STON1: variants seen among roughly 807,000 people sequenced by gnomAD.
STON1 encodes stonin 1.
In STON1, 79 loss-of-function variants were observed where a neutral mutation model predicts 60.9. That is an observed-to-expected ratio of 1.30 (90% CI 1.08 to 1.56). STON1 has a LOEUF of 1.56. STON1 is among the 40% of genes most tolerant of loss of function. STON1 has a pLI of 0.00. For synonymous variants in STON1, 363 were observed against 306.9 expected, an observed-to-expected ratio of 1.18 and a Z score of -1.91; for missense variants, 1,166 against 858.9, an observed-to-expected ratio of 1.36 and a Z score of -4.47.
At chr2:48,557,359 C>T (rs1672421009) in intron 1 of STON1, among the ~76,000 whole-genome samples, 1 of 99,860 alleles carries the variant, frequency 1.0e-5, no homozygotes. Flanking sequence ...AGAGGCGCTC[C>T]CCACATCTCA....
chr2:48,587,092 AC>A (rs1674250332), intron 2 of STON1, among the ~76,000 whole-genome samples: 1 of 152,126 alleles, frequency 6.6e-6, no homozygotes, highest in South Asian at 2.1e-4. Context: ...AAAGCTTCAA[AC>A]ACATACCCAT....
intron 1 of STON1, among the ~76,000 whole-genome samples, chr2:48,563,519 G>A (rs1271115018): frequency 6.6e-6 from 1 of 152,204 alleles, no homozygotes; most frequent in Non-Finnish European, 1.5e-5. Context: ...TATAGGCACA[G>A]AGCCAGTACC....
chr2:48,580,622 C>G lies in STON1; in HGVS notation c.-12C>G, dbSNP rs763740007. ...TTTGATTTCTTGACAAGACCACAAT[C>G]TGATCCCAAAGATGTGCTCCACAAA... On this transcript the variant is annotated 5_prime_UTR_variant, in exon 2 of 4. The change creates a new upstream start codon in the 5' untranslated region. Coordinates refer to ENST00000404752, the MANE Select transcript of STON1 (RefSeq NM_006873.4). 7.4e-7 allele frequency: 1 copy of G among 1,343,566 alleles called. No individual in the cohort carries two copies. Among genetic ancestry groups the G allele is most frequent in the Non-Finnish European group, 9.6e-7 (1 of 1,040,270 alleles). The allele number at this position is 1,343,566 out of a possible 1,614,324, so 83.2% of individuals were successfully genotyped here. A position where few individuals can be genotyped will look rare whatever the true frequency, so the allele number is the denominator to read the frequency against.
chr2:48,580,274 T>C (rs1673799043), intron 1 of STON1, among the ~76,000 whole-genome samples: 1 of 152,212 alleles, frequency 6.6e-6, no homozygotes, highest in African/African-American at 2.4e-5. Flanking sequence ...TTATATTATG[T>C]CCTTCTTTGT....
At position 48,564,626 on chromosome 2, in the gene STON1, C is replaced by T. The variant is rs1192662447; in HGVS notation, c.-47-15961C>T. 1.6e-4 allele frequency among the ~76,000 whole-genome samples: 19 copies of T among 117,654 alleles called. 2 individuals are homozygous for T. Among genetic ancestry groups the T allele is most frequent in the African/African-American group, 6.2e-4 (17 of 27,528 alleles). The allele number at this position is 117,654 out of a possible 152,430, so 77.2% of individuals were successfully genotyped here. On this transcript the variant is annotated intron_variant, in intron 1 of 3. Coordinates refer to ENST00000404752, the MANE Select transcript of STON1 (RefSeq NM_006873.4). ...TCCTTCTCCTTCTCCTTCTCCTTCT[C>T]CTTCTCTTTCTCCTTCTCCTTCTTC... is the stretch of plus-strand genomic sequence containing the variant.
rs777559479 is a variant in STON1, at chr2:48,591,633, T to C, written c.1931-20T>C. On this transcript the variant is annotated intron_variant, in intron 2 of 3. Transcript: ENST00000404752. ...ATGGCCATTAAAATACTTTGACTAT[T>C]TGATTTTTTTTCCCTCGAGGTCTAG... 7.6e-5 allele frequency: 122 copies of C among 1,610,594 alleles called. No homozygotes were observed. The highest frequency in any genetic ancestry group is 1.0e-4 in the Non-Finnish European group (121 of 1,178,360).
chr2:48,538,763 ATTTTTTTT>A (rs34052598), intron 1 of STON1, among the ~76,000 whole-genome samples: 40 of 86,364 alleles, frequency 4.6e-4, no homozygotes, highest in Admixed American at 1.2e-3. Context: ...ACACCCAGCT[ATTTTTTTT>A]TTTTTTTTTT....
chr2:48,557,046 A>C, intron 1 of STON1, among the ~76,000 whole-genome samples: 1 of 92,496 alleles, frequency 1.1e-5, no homozygotes, highest in East Asian at 4.4e-4. Context: ...TCCCTCCCGG[A>C]TGGGGCGGCT....
At chr2:48,542,967 T>G (rs1344387897) in intron 1 of STON1, among the ~76,000 whole-genome samples, 2 of 147,574 alleles carry the variant, frequency 1.4e-5, no homozygotes, top group East Asian at 4.1e-4. Flanking sequence ...TCCTAATATC[T>G]TGACTTTTTT....
chr2:48,540,253 A>G (rs1259511997), intron 1 of STON1, among the ~76,000 whole-genome samples: 4 of 152,182 alleles, frequency 2.6e-5, no homozygotes, highest in Non-Finnish European at 5.9e-5. Flanking sequence ...GTTTTTATCC[A>G]TGGTTCCTGG....
rs1438874296 is a variant in STON1 at position 48,557,314 on chromosome 2, A to C, written c.-47-23273A>C. 5.9e-5 allele frequency among the ~76,000 whole-genome samples: 5 copies of C among 85,152 alleles called. 1 individual carries two copies. The highest frequency in any genetic ancestry group is 2.2e-4 in the African/African-American group (5 of 23,060). The allele number at this position is 85,152 out of a possible 152,430, so 55.9% of individuals were successfully genotyped here. A position where few individuals can be genotyped will look rare whatever the true frequency, so the allele number is the denominator to read the frequency against. ...CCCAGACGGGGTCTCGGCCGGGCAG[A>C]GGCGCTCCTCACATCCCAGATGGGG... On this transcript the variant is annotated intron_variant, in intron 1 of 3. Transcript: ENST00000404752.
At chr2:48,561,901 C>A (rs1672629056) in intron 1 of STON1, among the ~76,000 whole-genome samples, 1 of 152,190 alleles carries the variant, frequency 6.6e-6, no homozygotes, top group African/African-American at 2.4e-5. Context: ...CACTCTGTCA[C>A]CCAGGCTGGA....
Position 48,587,283 on chromosome 2 carries a change from GTATTTATTTATT to G in STON1, c.1931-4354_1931-4343del, listed in dbSNP as rs10557905. Among the ~76,000 whole-genome samples the G allele has an allele frequency of 3.3e-5, 5 of 151,328 alleles. No individual in the cohort carries two copies. In the East Asian group the frequency reaches 9.7e-4, roughly 29 times the overall value. On this transcript the variant is annotated intron_variant, in intron 2 of 3. Transcript: ENST00000404752. Reference sequence around the variant, plus strand: ...GACCTCTGTTATTGCTCTCCCATGAGTATTTATTTATTTATTTATTTATTTATGAGACGGAGT... The same window carrying G: ...GACCTCTGTTATTGCTCTCCCATGAGTATTTATTTATTTATGAGACGGAGT...
At chr2:48,539,190 T>G (rs765963532) in intron 1 of STON1, among the ~76,000 whole-genome samples, 63 of 152,316 alleles carry the variant, frequency 4.1e-4, no homozygotes, top group South Asian at 1.0e-3. Flanking sequence ...AGTGTTGGGA[T>G]TACAGGCATG....
At chr2:48,594,324 G>A (rs1482205055) in intron 3 of STON1, among the ~76,000 whole-genome samples, 2 of 152,152 alleles carry the variant, frequency 1.3e-5, no homozygotes, top group African/African-American at 4.8e-5. Context: ...GGGCATGCCA[G>A]GTTCATGCAA....
At chr2:48,563,993 C>T (rs1162422354) in intron 1 of STON1, among the ~76,000 whole-genome samples, 2 of 149,504 alleles carry the variant, frequency 1.3e-5, no homozygotes, top group Non-Finnish European at 3.0e-5. Context: ...GCCACCACGC[C>T]TGCCCTCCAC....
At chr2:48,542,831 G>T (rs1020306001) in intron 1 of STON1, among the ~76,000 whole-genome samples, 2 of 152,054 alleles carry the variant, frequency 1.3e-5, no homozygotes, top group African/African-American at 4.8e-5. Flanking sequence ...TTGAGCCGGG[G>T]AGGTTGAGGT....
intron 1 of STON1, among the ~76,000 whole-genome samples, chr2:48,543,858 C>T (rs1413312030): frequency 6.6e-6 from 1 of 151,994 alleles, no homozygotes; most frequent in Non-Finnish European, 1.5e-5. Flanking sequence ...TGAAAAGACC[C>T]CAGAGAGACT....
chr2:48,531,054 A>G (rs1039369931), intron 1 of STON1: 2 of 152,274 alleles, frequency 1.3e-5, no homozygotes, highest in Non-Finnish European at 2.9e-5. Flanking sequence ...GGAAGAAAAT[A>G]AACGGAAGAG....
Sources: allele counts gnomAD v4.1 joint callset (sites outside exome capture counted in the v4.1 genomes callset), GRCh38; gene constraint gnomAD v4.1.1; transcripts MANE v1.5; gene names NCBI Gene and HGNC (gene_info 2026-07-23, HGNC 2026-07-21).